The following FRMPD4 variants were observed in gnomAD, a reference collection of about 807,000 sequenced individuals.
The protein encoded by FRMPD4 is FERM and PDZ domain-containing protein 4.
A neutral mutation model predicts 94.1 loss-of-function variants in FRMPD4; 22 were observed. That is an observed-to-expected ratio of 0.23 (90% CI 0.17 to 0.33). The LOEUF (loss-of-function observed/expected upper bound fraction) is 0.33, where lower values mean the gene tolerates loss of function less well. Among genes scored for constraint, FRMPD4 ranks in the 10% least tolerant of loss-of-function variants. The pLI is 1.00. For missense variants in FRMPD4, 1,111 were observed against 1,339.9 expected (o/e 0.83, Z 2.67); for synonymous variants, 631 against 548.6 (o/e 1.15, Z -2.10).
intron 3 of FRMPD4, among the ~76,000 whole-genome samples, chrX:12,021,042 C>T (rs912112872): frequency 8.9e-6 from 1 of 111,826 alleles, no homozygotes; most frequent in Non-Finnish European, 1.9e-5. Context: ...TCTGCCTTCT[C>T]ATAGCTGACT....
At chrX:11,876,966 C>G (rs189525350) in intron 2 of FRMPD4, among the ~76,000 whole-genome samples, 1 of 112,240 alleles carries the variant, frequency 8.9e-6, no homozygotes, top group East Asian at 2.8e-4. Flanking sequence ...AGAGATGCCA[C>G]TAAACGTCCT....
intron 4 of FRMPD4, among the ~76,000 whole-genome samples, chrX:12,624,945 AAAG>A (rs1193851463): frequency 9.0e-6 from 1 of 111,705 alleles, no homozygotes; most frequent in Non-Finnish European, 1.9e-5. Flanking sequence ...ATAGGAAAAA[AAAG>A]AATAATCCAA....
chrX:11,887,025 T>C (rs1340421230), intron 3 of FRMPD4, among the ~76,000 whole-genome samples: 1 of 111,763 alleles, frequency 8.9e-6, no homozygotes, highest in Non-Finnish European at 1.9e-5. Context: ...CATTTATTCA[T>C]GTGTCTATTG....
At chrX:12,125,161 C>A (rs959284670) in intron 3 of FRMPD4, among the ~76,000 whole-genome samples, 22 of 111,798 alleles carry the variant, frequency 2.0e-4, no homozygotes, top group African/African-American at 7.2e-4. Flanking sequence ...TACTGAGAGT[C>A]CAAAATTCTC....
intron 5 of FRMPD4, among the ~76,000 whole-genome samples, chrX:12,679,826 C>T (rs1209251474): frequency 1.8e-5 from 2 of 111,435 alleles, no homozygotes; most frequent in Non-Finnish European, 3.8e-5. Context: ...GCCTTAGTAA[C>T]AGCGAATGCT....
At chrX:11,854,524 C>T (rs1176343044) in intron 1 of FRMPD4, among the ~76,000 whole-genome samples, 1 of 112,280 alleles carries the variant, frequency 8.9e-6, no homozygotes, top group Non-Finnish European at 1.9e-5. Context: ...GTAATACTTC[C>T]TAGATACAAT....
intron 4 of FRMPD4, among the ~76,000 whole-genome samples, chrX:12,643,592 G>C (rs1346105823): frequency 1.8e-5 from 2 of 111,638 alleles, no homozygotes; most frequent in Non-Finnish European, 3.8e-5. Context: ...TTAGAGAAAA[G>C]CTATGTGTAG....
intron 1 of FRMPD4, among the ~76,000 whole-genome samples, chrX:12,365,373 A>G (rs2056059375): frequency 9.0e-6 from 1 of 111,450 alleles, no homozygotes; most frequent in Non-Finnish European, 1.9e-5. Context: ...GGGGTCGATT[A>G]GATGGTTTGA....
chrX:12,237,937 T>A (rs756388949), intron 1 of FRMPD4, among the ~76,000 whole-genome samples: 1 of 111,868 alleles, frequency 8.9e-6, no homozygotes, highest in Non-Finnish European at 1.9e-5. Flanking sequence ...AATTGACAAA[T>A]TTGAGTCAGA....
intron 2 of FRMPD4, among the ~76,000 whole-genome samples, chrX:12,554,046 T>C (rs1253924242): frequency 2.1e-5 from 2 of 95,193 alleles, no homozygotes; most frequent in African/African-American, 7.4e-5. Flanking sequence ...AATGTACCCA[T>C]TTTGTATCCA....
intron 2 of FRMPD4, among the ~76,000 whole-genome samples, chrX:11,870,437 C>T (rs190868552): frequency 5.0e-4 from 56 of 111,776 alleles, no homozygotes; most frequent in African/African-American, 1.8e-3. Flanking sequence ...TGACCAGGAA[C>T]CTTATGAACC....
At chrX:12,142,619 G>A (rs746110899) in intron 1 of FRMPD4, among the ~76,000 whole-genome samples, 5 of 112,050 alleles carry the variant, frequency 4.5e-5, no homozygotes, top group African/African-American at 6.5e-5. Context: ...TTTTGTGACT[G>A]TCAGGAGGTG....
chrX:12,235,958 A>C (rs1569201580), intron 1 of FRMPD4, among the ~76,000 whole-genome samples: 1 of 111,599 alleles, frequency 9.0e-6, no homozygotes, highest in Non-Finnish European at 1.9e-5. Flanking sequence ...GCAAGAGTTT[A>C]ACAAATGTCA....
chrX:11,934,292 C>A (rs1190802474), intron 3 of FRMPD4, among the ~76,000 whole-genome samples: 1 of 111,919 alleles, frequency 8.9e-6, no homozygotes, highest in African/African-American at 3.2e-5. Context: ...CTCACATAAG[C>A]AGTTCAGCCA....
chrX:11,962,296 G>C (rs1203515942), intron 3 of FRMPD4, among the ~76,000 whole-genome samples: 6 of 111,698 alleles, frequency 5.4e-5, no homozygotes, highest in Non-Finnish European at 9.4e-5. Flanking sequence ...ATCCTCACAT[G>C]GTAGAAGGGG....
At chrX:12,085,267 A>C (rs1398417545) in intron 3 of FRMPD4, among the ~76,000 whole-genome samples, 1 of 112,580 alleles carries the variant, frequency 8.9e-6, no homozygotes, top group African/African-American at 3.2e-5. Context: ...AATATAATTT[A>C]AATGTCTGAG....
chrX:12,614,342 G>A (rs2059213972), intron 3 of FRMPD4: 1 of 124,869 alleles, frequency 8.0e-6, no homozygotes, highest in African/African-American at 3.2e-5. Context: ...ACAACTGATT[G>A]GCTACCTGTT....
At chrX:12,294,826 G>A (rs2054746872) in intron 1 of FRMPD4, among the ~76,000 whole-genome samples, 1 of 111,637 alleles carries the variant, frequency 9.0e-6, no homozygotes, top group Non-Finnish European at 1.9e-5. Flanking sequence ...CGCTGATCAA[G>A]GAACTGGTCT....
At chrX:12,495,599 A>C (rs1458535709) in intron 1 of FRMPD4, among the ~76,000 whole-genome samples, 1 of 111,387 alleles carries the variant, frequency 9.0e-6, no homozygotes, top group African/African-American at 3.3e-5. Context: ...GTGGTGCCCC[A>C]AAATTTACAT....
Sources: allele counts gnomAD v4.1 joint callset (sites outside exome capture counted in the v4.1 genomes callset), GRCh38; gene constraint gnomAD v4.1.1; transcripts MANE v1.5; gene names NCBI Gene and HGNC (gene_info 2026-07-23, HGNC 2026-07-21).